Variants in AGXT2 observed in about 807,000 individuals in gnomAD.
The protein encoded by AGXT2 is alanine--glyoxylate aminotransferase 2.
AGXT2 carries 61 observed loss-of-function variants against 62.5 expected under a neutral mutation model. That is an observed-to-expected ratio of 0.98 (90% confidence interval 0.79 to 1.21). The LOEUF (loss-of-function observed/expected upper bound fraction) is 1.21, where lower values mean the gene tolerates loss of function less well. AGXT2 is among the 50% of genes most tolerant of loss of function. The pLI is 0.00. For synonymous variants in AGXT2, 243 were observed against 218.7 expected, an observed-to-expected ratio of 1.11 and a Z score of -0.98; for missense variants, 666 against 641.5, an observed-to-expected ratio of 1.04 and a Z score of -0.41.
intron 7 of AGXT2, among the ~76,000 whole-genome samples, chr5:35,030,193 T>C (rs1250633952): frequency 6.6e-6 from 1 of 152,284 alleles, no homozygotes; most frequent in South Asian, 2.1e-4. Flanking sequence ...TAAATAGTCT[T>C]GTCCCTTGAA....
intron 7 of AGXT2, 32 bp from the exon 8 acceptor site, chr5:35,026,542 C>A (rs200638973): frequency 8.2e-5 from 128 of 1,567,036 alleles, no homozygotes; most frequent in Non-Finnish European, 1.1e-4. Flanking sequence ...ACAAAACAAA[C>A]CACAGCATTT....
At chr5:34,998,991 C>T (rs934614407) in intron 13 of AGXT2, among the ~76,000 whole-genome samples, 165 bp from the exon 14 acceptor site, 1 of 152,182 alleles carries the variant, frequency 6.6e-6, no homozygotes, top group Non-Finnish European at 1.5e-5. Context: ...AGGCCATTCA[C>T]CCTCCAGTCT....
Position 35,012,994 on chromosome 5 carries a change from C to T in AGXT2, c.1148G>A (p.Gly383Glu), listed in dbSNP as rs1321064596. 1.4e-5 allele frequency: 21 copies of T among 1,551,706 alleles called. No individual in the cohort carries two copies. Among genetic ancestry groups the T allele is most frequent in the Non-Finnish European group, 1.8e-5 (21 of 1,146,996 alleles). ...KCLQHFNTFG[G>E]NPMACAIGSA... ...TCCAATGGCACAGGCCATGGGGTTC[C>T]CTCCAAAGGTGTTGAAGTGCTGCAG... is the stretch of plus-strand genomic sequence containing the variant. Residue 383 changes from glycine (G) to glutamate (E), a missense_variant, in exon 11 of 14, where the codon GGG (glycine) becomes GAG (glutamate). By Grantham distance (98) the Gly-to-Glu change is moderately conservative. Transcript: ENST00000231420.
At chr5:35,013,174 T>C in intron 10 of AGXT2, 129 bp from the exon 11 acceptor site, 1 of 819,784 alleles carries the variant, frequency 1.2e-6, no homozygotes, top group Non-Finnish European at 2.1e-6. Flanking sequence ...TTCATTCAAC[T>C]GATAGTAGAT....
At chr5:35,010,355 A>G (rs542605351) in intron 11 of AGXT2, among the ~76,000 whole-genome samples, 1 of 152,160 alleles carries the variant, frequency 6.6e-6, no homozygotes, top group African/African-American at 2.4e-5. Context: ...TCTGCCCCCA[A>G]CTCCCTCACC....
In AGXT2 at chr5:35,039,457, C is replaced by G; in HGVS notation, c.229G>C (p.Val77Leu). 1 of 1,614,126 alleles carries G rather than the reference C, an allele frequency of 6.2e-7. No homozygotes were observed. Among genetic ancestry groups the G allele is most frequent in the Non-Finnish European group, 8.5e-7 (1 of 1,179,980 alleles). ...LEIHKEHLSP[V>L]VTAYFQKPLL... Reference sequence around the variant, plus strand: ...GGTTTCTGGAAATATGCCGTCACCACAGGAGAAAGATGTTCCTTGTGGATT... The same window carrying G: ...GGTTTCTGGAAATATGCCGTCACCAGAGGAGAAAGATGTTCCTTGTGGATT... The change falls in exon 3 of 14, where the codon GTG becomes CTG. Residue 77 changes from valine (V) to leucine (L), a missense_variant. Transcript: ENST00000231420.
intron 7 of AGXT2, chr5:35,027,117 T>G: frequency 3.2e-6 from 2 of 628,606 alleles, no homozygotes; most frequent in Non-Finnish European, 4.0e-6. Context: ...ATCAGGAGGT[T>G]TTTGTGGGCA....
Position 35,030,904 on chromosome 5 carries a change from C to G in AGXT2, c.769+1828G>C, listed in dbSNP as rs552536398. Among the ~76,000 whole-genome samples, 12 of 152,296 alleles carry G rather than the reference C, an allele frequency of 7.9e-5. No homozygotes were observed. In the South Asian group the frequency reaches 1.0e-3, roughly 13 times the overall value. On this transcript the variant is annotated intron_variant, in intron 7 of 13. Transcript: ENST00000231420. ...CCAGGCATTGCTATGGTCTGTTTTTCTCTACAAAAGTTCTCCGTGCCTCAT... is the reference window on the plus strand; with the variant it reads ...CCAGGCATTGCTATGGTCTGTTTTTGTCTACAAAAGTTCTCCGTGCCTCAT...
At chr5:35,046,210 C>T (rs933810875) in intron 1 of AGXT2, among the ~76,000 whole-genome samples, 3 of 152,158 alleles carry the variant, frequency 2.0e-5, no homozygotes, top group African/African-American at 7.2e-5. Context: ...TGTGCAACTC[C>T]ACAATGTTCA....
At chr5:35,014,642 G>C (rs1766781917) in intron 9 of AGXT2, among the ~76,000 whole-genome samples, 1 of 151,888 alleles carries the variant, frequency 6.6e-6, no homozygotes, top group Non-Finnish European at 1.5e-5. Flanking sequence ...TGCAATTCTG[G>C]GTATGTTTCT....
intron 5 of AGXT2, 107 bp from the exon 6 acceptor site, chr5:35,033,660 C>T (rs1032561165): frequency 1.7e-5 from 14 of 817,576 alleles, no homozygotes; most frequent in Non-Finnish European, 2.7e-5. Context: ...ACATCATTCG[C>T]ATTCACCTCT....
Position 35,040,645 on chromosome 5 carries a change from G to A in AGXT2, c.107C>T (p.Ser36Leu). 1.2e-6 allele frequency: 2 copies of A among 1,613,820 alleles called. No individual in the cohort carries two copies. The highest frequency in any genetic ancestry group is 1.7e-6 in the Non-Finnish European group (2 of 1,179,718). The part of the protein sequence containing the change: ...PFLSLGTSRT[S>L]VTKLSLHTKP... Reference sequence around the variant, plus strand: ...TGTATGAAGACTGAGCTTGGTTACTGATGTCCGGGAAGTACCTACTGAAAG... The same window carrying A: ...TGTATGAAGACTGAGCTTGGTTACTAATGTCCGGGAAGTACCTACTGAAAG... Residue 36 changes from serine (S) to leucine (L), a missense_variant, in exon 2 of 14, where the codon TCA becomes TTA. Coordinates refer to ENST00000231420, the MANE Select transcript of AGXT2 (RefSeq NM_031900.4).
intron 12 of AGXT2, among the ~76,000 whole-genome samples, chr5:35,004,698 C>T (rs1018332157): frequency 6.6e-6 from 1 of 152,238 alleles, no homozygotes; most frequent in African/African-American, 2.4e-5. Context: ...TAGGCATCTG[C>T]ATTTTTAAAA....
chr5:35,047,820 G>A lies in AGXT2; in HGVS notation c.73C>T (p.His25Tyr). ...VTSAPRILEMHPFLSLGTSRT... is the reference protein window; with the variant it reads ...VTSAPRILEMYPFLSLGTSRT... Reference sequence around the variant, plus strand: ...TTCCACTTACGGCTCAGGAAAGGATGCATCTCAAGGATCCTGGGAGCGGAA... The same window carrying A: ...TTCCACTTACGGCTCAGGAAAGGATACATCTCAAGGATCCTGGGAGCGGAA... The change falls in exon 1 of 14, where the codon CAT (histidine) becomes TAT (tyrosine). Residue 25 changes from histidine to tyrosine, a missense_variant. His to Tyr is a moderately conservative substitution (Grantham distance 83). Transcript: ENST00000231420. 6.2e-7 allele frequency: 1 copy of A among 1,614,072 alleles called. No individual in the cohort carries two copies. Among genetic ancestry groups the A allele is most frequent in the East Asian group, 2.2e-5 (1 of 44,854 alleles).
At chr5:35,046,044 G>A (rs982349728) in intron 1 of AGXT2, among the ~76,000 whole-genome samples, 10 of 152,248 alleles carry the variant, frequency 6.6e-5, no homozygotes, top group African/African-American at 2.4e-4. Context: ...TGGGATTAGA[G>A]GTGTGAGCCA....
intron 9 of AGXT2, among the ~76,000 whole-genome samples, chr5:35,022,223 G>T (rs1320169188): frequency 3.9e-5 from 6 of 152,106 alleles, no homozygotes; most frequent in Non-Finnish European, 8.8e-5. Flanking sequence ...CCATTACTGG[G>T]TATATACCCA....
chr5:35,047,782 A>G (rs1579526133), intron 1 of AGXT2, 23 bp downstream of exon 1: 1 of 1,613,508 alleles, frequency 6.2e-7, no homozygotes, highest in African/African-American at 1.3e-5. Flanking sequence ...CTACTGACCC[A>G]CGTCCCCCTG....
Position 35,040,574 on chromosome 5 carries a change from C to T in AGXT2, c.177+1G>A, listed in dbSNP as rs777508700. ...AGTTTTCTTAAAGCCCTGAATCTCA[C>T]CTGGTATCTTTCAGGCATGAAGTCA... On this transcript the variant is annotated splice_donor_variant, in intron 2 of 13. Coordinates refer to ENST00000231420, the MANE Select transcript of AGXT2 (RefSeq NM_031900.4). LOFTEE classifies it high-confidence loss of function. The T allele has an allele frequency of 8.1e-6, 13 of 1,612,930 alleles. No homozygotes were observed. The highest frequency in any genetic ancestry group is 1.3e-5 in the African/African-American group (1 of 74,878).
chr5:35,035,383 CT>C lies in AGXT2; in HGVS notation c.487-68del, dbSNP rs1767723945. 2.2e-6 allele frequency: 3 copies of C among 1,390,260 alleles called. No individual in the cohort carries two copies. In the African/African-American group the frequency reaches 4.2e-5, roughly 20 times the overall value. The allele number at this position is 1,390,260 out of a possible 1,614,324, so 86.1% of individuals were successfully genotyped here. A position where few individuals can be genotyped will look rare whatever the true frequency, so the allele number is the denominator to read the frequency against. ...CTTATTACCCATTCACTTAAAATTGCTGAAGGGCAGGTGTCCAGCCCCTGAG... is the reference window on the plus strand; with the variant it reads ...CTTATTACCCATTCACTTAAAATTGCGAAGGGCAGGTGTCCAGCCCCTGAG... On this transcript the variant is annotated intron_variant, in intron 4 of 13. Coordinates refer to ENST00000231420, the MANE Select transcript of AGXT2 (RefSeq NM_031900.4).
Sources: gnomAD v4.1 joint callset for allele counts (sites outside exome capture counted in the v4.1 genomes callset) on GRCh38, gnomAD v4.1.1 for gene constraint, MANE v1.5 for transcripts, NCBI Gene and HGNC (gene_info 2026-07-23, HGNC 2026-07-21) for gene names.